Variants in C1QTNF9 observed in about 807,000 individuals in gnomAD.
C1QTNF9 encodes the protein complement C1q and tumor necrosis factor-related protein 9A.
A neutral mutation model predicts 10.1 loss-of-function variants in C1QTNF9; 6 were observed. The observed-to-expected ratio is 0.59, with a 90% CI of 0.32 to 1.17. The LOEUF (loss-of-function observed/expected upper bound fraction) is 1.17, where lower values mean the gene tolerates loss of function less well. C1QTNF9 is among the 50% of genes most tolerant of loss of function. C1QTNF9 has a pLI of 0.04. For synonymous variants in C1QTNF9, 98 were observed against 163.5 expected (o/e 0.60, Z 3.06); for missense variants, 201 against 418.8 (o/e 0.48, Z 4.54).
chr13:24,312,603 T>C (rs1202887537), intron 1 of C1QTNF9, among the ~76,000 whole-genome samples: 1 of 152,138 alleles, frequency 6.6e-6, no homozygotes, highest in East Asian at 1.9e-4. Flanking sequence ...TCCTCAACCT[T>C]CTACATTAAA....
chr13:24,310,308 C>G (rs184582736), intron 1 of C1QTNF9, among the ~76,000 whole-genome samples: 1 of 139,624 alleles, frequency 7.2e-6, no homozygotes, highest in Non-Finnish European at 1.5e-5. Flanking sequence ...AGCCTGCCAC[C>G]GCGCCTGGCT....
intron 2 of C1QTNF9, among the ~76,000 whole-genome samples, chr13:24,316,863 G>A (rs1470746501): frequency 6.6e-6 from 1 of 152,182 alleles, no homozygotes; most frequent in African/African-American, 2.4e-5. Context: ...TTGAGGCCTG[G>A]TCTTGACCAT....
At chr13:24,321,544 A>C in exon 4 of C1QTNF9, 2 of 1,612,552 alleles carry the variant, frequency 1.2e-6, no homozygotes, top group Non-Finnish European at 1.7e-6. Context: ...TGTTTTCTCC[A>C]GAAATGTTCA....
chr13:24,322,099 G>C (rs9507304), exon 4 of C1QTNF9: 2 of 239,576 alleles, frequency 8.3e-6, no homozygotes, highest in African/African-American at 4.5e-5. Context: ...TCCCTCATCT[G>C]TGTTTCTGAG....
exon 4 of C1QTNF9, chr13:24,322,274 C>T (rs1463915482): frequency 6.5e-6 from 1 of 153,088 alleles, no homozygotes; most frequent in African/African-American, 2.4e-5. Flanking sequence ...GCAAAACATG[C>T]ATGTTTGTTA....
chr13:24,308,794 T>C (rs1270431905), upstream of C1QTNF9, among the ~76,000 whole-genome samples: 2 of 152,208 alleles, frequency 1.3e-5, no homozygotes, highest in African/African-American at 2.4e-5. Flanking sequence ...CTGCGTGCAC[T>C]GCGGCATCTC....
At chr13:24,320,061 G>C (rs968835603) in intron 3 of C1QTNF9, among the ~76,000 whole-genome samples, 5 of 152,116 alleles carry the variant, frequency 3.3e-5, no homozygotes, top group African/African-American at 1.2e-4. Context: ...TTGCCGGTGG[G>C]ATAGGTGGGT....
Position 24,320,857 on chromosome 13 carries a change from A to G in C1QTNF9, c.230-139A>G, listed in dbSNP as rs936262285. On this transcript the variant is annotated intron_variant, in intron 3 of 3. Transcript: ENST00000332018. ...TGAGCCACTGCACCCAGATGGAGTA[A>G]TTGAATTTTAAACTCTGGGCATATA... The G allele has an allele frequency of 1.9e-5, 14 of 733,410 alleles. No homozygotes were observed. In the Admixed American group the frequency reaches 4.5e-4, roughly 24 times the overall value. The allele number at this position is 733,410 out of a possible 1,614,324, so 45.4% of individuals were successfully genotyped here. A position where few individuals can be genotyped will look rare whatever the true frequency, so the allele number is the denominator to read the frequency against.
At chr13:24,310,507 A>G (rs1277556408) in intron 1 of C1QTNF9, among the ~76,000 whole-genome samples, 3 of 151,876 alleles carry the variant, frequency 2.0e-5, no homozygotes, top group African/African-American at 7.3e-5. Context: ...ATTTTGCACA[A>G]ATTTTAATGT....
chr13:24,314,630 C>T (rs1877959887), intron 1 of C1QTNF9, among the ~76,000 whole-genome samples: 1 of 152,074 alleles, frequency 6.6e-6, no homozygotes. Flanking sequence ...CAGAGATCGG[C>T]CATTGCACTC....
intron 1 of C1QTNF9, among the ~76,000 whole-genome samples, chr13:24,314,389 AAAG>A (rs1877950104): frequency 6.6e-6 from 1 of 151,906 alleles, no homozygotes. Flanking sequence ...AAAAAAAAAA[AAAG>A]AAAGAAAGAA....
At chr13:24,318,480 T>C (rs1187653854) in intron 2 of C1QTNF9, among the ~76,000 whole-genome samples, 1 of 151,342 alleles carries the variant, frequency 6.6e-6, no homozygotes, top group Non-Finnish European at 1.5e-5. Context: ...ACGTCCCAAG[T>C]CCTTGTCGCA....
chr13:24,318,715 G>T (rs1400988092), intron 2 of C1QTNF9, 103 bp from the exon 3 acceptor site: 17 of 1,531,512 alleles, frequency 1.1e-5, no homozygotes, highest in Middle Eastern at 1.7e-4. Flanking sequence ...CAGGGCGGGG[G>T]TCACCCCCAG....
At chr13:24,321,841 A>G in exon 4 of C1QTNF9, 1 of 1,454,414 alleles carries the variant, frequency 6.9e-7, no homozygotes. Context: ...AGATGGTTTT[A>G]CTTTATTAAT....
rs1401701319 is a variant in C1QTNF9, at chr13:24,318,874, G to A, written c.223G>A (p.Glu75Lys). ...GGATGGGACGAGTGGAGAGAAGGGAGAACGAGGTTAGTAGTTCCTATTTAT... is the reference window on the plus strand; with the variant it reads ...GGATGGGACGAGTGGAGAGAAGGGAAAACGAGGTTAGTAGTTCCTATTTAT... The change falls in exon 3 of 4, where the codon GAA becomes AAA. Residue 75 changes from glutamate (E) to lysine (K), a missense_variant. By Grantham distance (56) the Glu-to-Lys change is moderately conservative. This residue lies in a region of C1QTNF9 where 62 missense variants were observed against 250.2 expected (regional missense o/e 0.25). Transcript: ENST00000332018. 2.5e-6 allele frequency: 4 copies of A among 1,614,130 alleles called. No individual in the cohort carries two copies. The highest frequency in any genetic ancestry group is 2.5e-6 in the Non-Finnish European group (3 of 1,180,044).
intron 3 of C1QTNF9, among the ~76,000 whole-genome samples, chr13:24,319,746 A>C (rs4770646): frequency 0.68 from 102,839 of 151,980 alleles, 36,148 homozygotes; most frequent in Non-Finnish European, 0.77. Context: ...GAGGAGGTGG[A>C]ACTAGAACTG....
At chr13:24,308,593 G>C (rs551517942), upstream of C1QTNF9, among the ~76,000 whole-genome samples, 1 of 152,190 alleles carries the variant, frequency 6.6e-6, no homozygotes, top group Non-Finnish European at 1.5e-5. Flanking sequence ...AGAGGGAGTC[G>C]GCGCCGCCGA....
At chr13:24,320,632 A>G (rs534470272) in intron 3 of C1QTNF9, among the ~76,000 whole-genome samples, 1 of 152,066 alleles carries the variant, frequency 6.6e-6, no homozygotes, top group South Asian at 2.1e-4. Flanking sequence ...TAGTCTGCCC[A>G]CCTTGGCCTC....
Position 24,318,629 on chromosome 13 carries a change from C to T in C1QTNF9, c.167-189C>T, listed in dbSNP as rs370601883. 4.6e-5 allele frequency among the ~76,000 whole-genome samples: 7 copies of T among 152,338 alleles called. No homozygotes were observed. In the East Asian group the frequency reaches 7.7e-4, roughly 17 times the overall value. ...TTCATTTCTTAGGTCACTTATCCCA[C>T]GCAGCTCAGCACCCCAGATGCCCGC... On this transcript the variant is annotated intron_variant, in intron 2 of 3. Transcript: ENST00000332018.
Sources: gnomAD v4.1 joint callset for allele counts (sites outside exome capture counted in the v4.1 genomes callset) on GRCh38, gnomAD v4.1.1 for gene constraint, gnomAD v4.1.1 regional missense constraint, MANE v1.5 for transcripts, NCBI Gene and HGNC (gene_info 2026-07-23, HGNC 2026-07-21) for gene names.